Variants in PRKN observed in about 807,000 individuals in gnomAD.
PRKN encodes the protein E3 ubiquitin-protein ligase parkin.
Under a neutral mutation model 59.5 loss-of-function variants are expected in PRKN, and 56 were observed. The observed-to-expected ratio is 0.94, with a 90% CI of 0.76 to 1.18. The LOEUF (loss-of-function observed/expected upper bound fraction) is 1.18. PRKN is among the 50% of genes most tolerant of loss of function. The pLI is 0.00. For missense variants in PRKN, 657 were observed against 596.4 expected (o/e 1.10, Z -1.06); for synonymous variants, 250 against 222.1 (o/e 1.13, Z -1.12).
At chr6:162,308,306 GA>G (rs967637277) in intron 2 of PRKN, among the ~76,000 whole-genome samples, 4 of 151,998 alleles carry the variant, frequency 2.6e-5, no homozygotes, top group East Asian at 1.9e-4. Context: ...AATAGAAGGG[GA>G]AAAAAAACTT....
chr6:162,430,984 G>A (rs1789491559), intron 2 of PRKN, among the ~76,000 whole-genome samples: 1 of 152,036 alleles, frequency 6.6e-6, no homozygotes, highest in East Asian at 1.9e-4. Context: ...TGTGTGCTGG[G>A]CCCACTCAGG....
At chr6:161,835,238 G>A (rs1285911402) in intron 6 of PRKN, among the ~76,000 whole-genome samples, 1 of 152,122 alleles carries the variant, frequency 6.6e-6, no homozygotes, top group African/African-American at 2.4e-5. Context: ...TTAACCCACA[G>A]GATGGGATGC....
intron 4 of PRKN, among the ~76,000 whole-genome samples, chr6:162,065,077 A>G (rs1778272995): frequency 6.6e-6 from 1 of 152,258 alleles, no homozygotes; most frequent in Non-Finnish European, 1.5e-5. Flanking sequence ...CTATGTGTAT[A>G]TGAAAGGGAG....
intron 4 of PRKN, among the ~76,000 whole-genome samples, chr6:162,109,273 C>T (rs112176609): frequency 6.6e-6 from 1 of 152,144 alleles, no homozygotes; most frequent in South Asian, 2.1e-4. Context: ...CCACCTTCTA[C>T]ATCAGTAAGA....
At chr6:161,608,253 A>C (rs1186030943) in intron 7 of PRKN, among the ~76,000 whole-genome samples, 2 of 152,182 alleles carry the variant, frequency 1.3e-5, no homozygotes, top group Non-Finnish European at 2.9e-5. Flanking sequence ...TTGGGGCTGA[A>C]TTAATGACGA....
chr6:162,105,525 C>T (rs931834747), intron 4 of PRKN, among the ~76,000 whole-genome samples: 1 of 152,180 alleles, frequency 6.6e-6, no homozygotes, highest in Admixed American at 6.5e-5. Flanking sequence ...CCTCAGCCTC[C>T]GAAGTAGCTG....
At chr6:161,716,222 G>A (rs1410118328) in intron 7 of PRKN, 1 of 604,730 alleles carries the variant, frequency 1.7e-6, no homozygotes, top group East Asian at 6.6e-5. Flanking sequence ...TGCTGTTGGA[G>A]TAATATTCTA....
chr6:161,819,035 T>C (rs1791909639), intron 6 of PRKN, among the ~76,000 whole-genome samples: 1 of 152,194 alleles, frequency 6.6e-6, no homozygotes, highest in Admixed American at 6.5e-5. Flanking sequence ...GCGGTTATGT[T>C]CTTGAAAATG....
In PRKN at chr6:162,364,641, C is replaced by A. The variant is rs554458406; in HGVS notation, c.171+78669G>T. Among the ~76,000 whole-genome samples the A allele has an allele frequency of 2.0e-4, 31 of 152,214 alleles. 1 individual carries two copies. Among genetic ancestry groups the A allele is most frequent in the Middle Eastern group, 3.4e-3 (1 of 294 alleles). On this transcript the variant is annotated intron_variant, in intron 2 of 11. Coordinates refer to ENST00000366898, the MANE Select transcript of PRKN (RefSeq NM_004562.3). ...CTTGCAAGCTCACATGGCCAGACAG[C>A]AACCTTTAAAGGATTATCTTAACAT...
At position 162,037,696 on chromosome 6, in the gene PRKN, G is replaced by A. The variant is rs541917101; in HGVS notation, c.618+16395C>T. Among the ~76,000 whole-genome samples the A allele has an allele frequency of 3.9e-5, 6 of 151,990 alleles. No individual in the cohort carries two copies. In the East Asian group the frequency reaches 5.8e-4, roughly 15 times the overall value. Reference sequence around the variant, plus strand: ...TGAGTAGCTGGGACTACAGGCACACGCCACCACACCCAGCTAGCTTTTGTA... The same window carrying A: ...TGAGTAGCTGGGACTACAGGCACACACCACCACACCCAGCTAGCTTTTGTA... On this transcript the variant is annotated intron_variant, in intron 5 of 11. Coordinates refer to ENST00000366898, the MANE Select transcript of PRKN (RefSeq NM_004562.3).
intron 1 of PRKN, among the ~76,000 whole-genome samples, chr6:162,471,510 C>T (rs1465238233): frequency 6.6e-6 from 1 of 152,150 alleles, no homozygotes; most frequent in East Asian, 1.9e-4. Context: ...CCTTTCTAAC[C>T]TGTGGCTTCC....
chr6:162,641,097 AT>A (rs1257492408), intron 1 of PRKN, among the ~76,000 whole-genome samples: 1 of 152,184 alleles, frequency 6.6e-6, no homozygotes, highest in Non-Finnish European at 1.5e-5. Flanking sequence ...TGTACACTCT[AT>A]AAAATATTTA....
At chr6:162,565,919 G>A (rs9458603) in intron 1 of PRKN, among the ~76,000 whole-genome samples, 33,993 of 151,796 alleles carry the variant, frequency 0.22, 4,542 homozygotes, top group African/African-American at 0.38. Context: ...AACAAAAAAT[G>A]GCAGGAGTTG....
At position 161,413,674 on chromosome 6, in the gene PRKN, C is replaced by A. The variant is rs976840472; in HGVS notation, c.1084-26797G>T. Among the ~76,000 whole-genome samples the A allele has an allele frequency of 6.6e-6, 1 of 152,170 alleles. No individual in the cohort carries two copies. Among genetic ancestry groups the A allele is most frequent in the South Asian group, 2.1e-4 (1 of 4,822 alleles). The stretch of plus-strand genomic sequence containing the variant: ...AGGGACACCTGAGCACGTCTCAGGG[C>A]GCCTTCTGTTCACAGCTTCCCACAG... On this transcript the variant is annotated intron_variant, in intron 9 of 11. Transcript: ENST00000366898. The surrounding 1 kb of genome is among the most constrained non-coding windows in gnomAD (Gnocchi z 4.4).
chr6:162,325,064 A>G (rs1167383548), intron 2 of PRKN, among the ~76,000 whole-genome samples: 1 of 152,146 alleles, frequency 6.6e-6, no homozygotes, highest in Non-Finnish European at 1.5e-5. Flanking sequence ...AAAATCCATA[A>G]ATACACAAGT....
Position 161,388,743 on chromosome 6 carries a change from T to C in PRKN, c.1084-1866A>G, listed in dbSNP as rs1260046763. ...ACTTGCTCTTGAAGCCCAGCTGCCATATGGTAAGGAAGCTCAACAGCCCAT... is the reference window on the plus strand; with the variant it reads ...ACTTGCTCTTGAAGCCCAGCTGCCACATGGTAAGGAAGCTCAACAGCCCAT... On this transcript the variant is annotated intron_variant, in intron 9 of 11. Coordinates refer to ENST00000366898, the MANE Select transcript of PRKN (RefSeq NM_004562.3). This position sits in a 1 kb window ranked among gnomAD's most constrained non-coding sequence, Gnocchi z 4.3. Among the ~76,000 whole-genome samples, 1 of 152,112 alleles carries C rather than the reference T, an allele frequency of 6.6e-6. No homozygotes were observed. Among genetic ancestry groups the C allele is most frequent in the Non-Finnish European group, 1.5e-5 (1 of 68,006 alleles).
intron 7 of PRKN, among the ~76,000 whole-genome samples, chr6:161,637,214 C>T (rs1250299194): frequency 6.6e-6 from 1 of 152,124 alleles, no homozygotes; most frequent in Non-Finnish European, 1.5e-5. Flanking sequence ...TCTGAGGGTC[C>T]CTTCACCTTG....
chr6:162,561,902 A>C (rs1266106563), intron 1 of PRKN, among the ~76,000 whole-genome samples: 1 of 152,172 alleles, frequency 6.6e-6, no homozygotes, highest in Non-Finnish European at 1.5e-5. Context: ...GTGCTGAACT[A>C]GGCCCAGAGA....
rs747671004 is a variant in PRKN at position 161,545,486 on chromosome 6, G to A, written c.1083+3368C>T. ...AGATTCACCTTCTTCTAACTTTTATGTATTTGGCCATGTTCTACTTCTGAA... is the reference window on the plus strand; with the variant it reads ...AGATTCACCTTCTTCTAACTTTTATATATTTGGCCATGTTCTACTTCTGAA... On this transcript the variant is annotated intron_variant, in intron 9 of 11. Transcript: ENST00000366898. The surrounding 1 kb of genome is among the most constrained non-coding windows in gnomAD (Gnocchi z 4.1). 6.6e-6 allele frequency: 9 copies of A among 1,353,992 alleles called. No individual in the cohort carries two copies. In the South Asian group the frequency reaches 7.1e-5, roughly 11 times the overall value. The allele number at this position is 1,353,992 out of a possible 1,614,324, so 83.9% of individuals were successfully genotyped here.
Sources: allele counts gnomAD v4.1 joint callset (sites outside exome capture counted in the v4.1 genomes callset), GRCh38; gene constraint gnomAD v4.1.1; non-coding constraint Gnocchi (gnomAD v3.1); transcripts MANE v1.5; gene names NCBI Gene and HGNC (gene_info 2026-07-23, HGNC 2026-07-21).